Variants in ANKFN1 observed in about 807,000 individuals in gnomAD.
ANKFN1 encodes the protein ankyrin repeat and fibronectin type III domain containing 1, also known as ankyrin repeat and fibronectin type-III domain-containing protein 1.
In ANKFN1, 74 loss-of-function variants were observed where a neutral mutation model predicts 108.7. The ratio of observed to expected loss-of-function variants is 0.68; its 90% CI spans 0.56 to 0.83. The LOEUF is 0.83. ANKFN1 is among the 40% of genes least tolerant of loss of function. The probability of loss-of-function intolerance (pLI) is 0.00; values close to 1 mark genes in which losing one functional copy is unlikely to be tolerated. For missense variants in ANKFN1, 1,505 were observed against 1,382.3 expected, an observed-to-expected ratio of 1.09 and a Z score of -1.41; for synonymous variants, 547 against 516.2, an observed-to-expected ratio of 1.06 and a Z score of -0.81.
chr17:56,516,750 T>G lies in ANKFN1; in HGVS notation c.*5481T>G, dbSNP rs538296364. Among the ~76,000 whole-genome samples, 1 of 152,344 alleles carries G rather than the reference T, an allele frequency of 6.6e-6. No individual in the cohort carries two copies. The highest frequency in any genetic ancestry group is 2.4e-5 in the African/African-American group (1 of 41,594). On this transcript the variant is annotated 3_prime_UTR_variant, in exon 21 of 21. Transcript: ENST00000682825. The stretch of plus-strand genomic sequence containing the variant: ...TAATTTTTCTAATGGCAAGTATTTT[T>G]GGTAATTTCTTACCTGCCTAAGTGT...
At chr17:56,371,579 C>T (rs926721496) in intron 6 of ANKFN1, among the ~76,000 whole-genome samples, 2 of 152,182 alleles carry the variant, frequency 1.3e-5, no homozygotes, top group Non-Finnish European at 2.9e-5. Context: ...GTGTCAAACA[C>T]ATTTCAGCAA....
intron 1 of ANKFN1, among the ~76,000 whole-genome samples, chr17:56,189,179 T>TTGTTTTTTTTTTTTTTTTTG (rs1912604306): frequency 9.0e-6 from 1 of 111,400 alleles, no homozygotes; most frequent in African/African-American, 4.9e-5. Flanking sequence ...ACTTTTTTTT[T>TTGTTTTTTTTTTTTTTTTTG]TTTTTTTTTG....
At position 56,201,229 on chromosome 17, in the gene ANKFN1, C is replaced by T. The variant is rs574638524; in HGVS notation, c.-70-11369C>T. 4.6e-5 allele frequency among the ~76,000 whole-genome samples: 7 copies of T among 152,262 alleles called. No homozygotes were observed. The South Asian group carries it at 1.2e-3, about 27-fold the overall frequency. On this transcript the variant is annotated intron_variant, in intron 1 of 20. Coordinates refer to ENST00000682825, the MANE Select transcript of ANKFN1 (RefSeq NM_001370326.1). ...CTCTCTCTCTAGCCAGGATGCTCCT[C>T]CTCAAACCCACCATAGTTCCTCCCA... is the stretch of plus-strand genomic sequence containing the variant.
intron 4 of ANKFN1, among the ~76,000 whole-genome samples, chr17:56,335,700 C>T (rs914768084): frequency 1.6e-4 from 25 of 152,090 alleles, no homozygotes; most frequent in African/African-American, 5.8e-4. Context: ...AATTGAATAC[C>T]CTTTATTTCT....
At chr17:56,256,589 T>C (rs767599375) in intron 3 of ANKFN1, among the ~76,000 whole-genome samples, 1 of 152,244 alleles carries the variant, frequency 6.6e-6, no homozygotes, top group Non-Finnish European at 1.5e-5. Context: ...ATGATAGCTT[T>C]AGGTCACATG....
chr17:56,170,901 C>T (rs116489913), intron 1 of ANKFN1, among the ~76,000 whole-genome samples: 4,654 of 149,026 alleles, frequency 0.031, 225 homozygotes, highest in African/African-American at 0.11. Context: ...TTACTACCAC[C>T]GCCATACACA....
At chr17:56,173,447 C>T (rs771362651) in intron 1 of ANKFN1, among the ~76,000 whole-genome samples, 3 of 152,180 alleles carry the variant, frequency 2.0e-5, no homozygotes, top group South Asian at 2.1e-4. Flanking sequence ...GTGCTTCCTA[C>T]GCCTTTGTAT....
intron 4 of ANKFN1, among the ~76,000 whole-genome samples, chr17:56,095,233 A>G (rs1214822087): frequency 1.3e-5 from 2 of 150,856 alleles, no homozygotes; most frequent in Non-Finnish European, 3.0e-5. Flanking sequence ...CAGCCCTGTG[A>G]TTGACTAACA....
intron 4 of ANKFN1, among the ~76,000 whole-genome samples, chr17:56,095,818 G>T (rs1396023270): frequency 1.3e-5 from 2 of 152,168 alleles, no homozygotes; most frequent in African/African-American, 4.8e-5. Context: ...CAAAATGCAG[G>T]ATCTGTGCAA....
intron 4 of ANKFN1, among the ~76,000 whole-genome samples, chr17:56,074,377 G>C (rs575577129): frequency 2.5e-4 from 38 of 152,334 alleles, no homozygotes; most frequent in African/African-American, 8.7e-4. Flanking sequence ...GCCACATGGA[G>C]CGAGACCCCT....
chr17:56,258,271 G>T (rs1172951036), intron 3 of ANKFN1: 1 of 152,180 alleles, frequency 6.6e-6, no homozygotes, highest in African/African-American at 2.4e-5. Context: ...GTCTAAACTA[G>T]AAATGTTCGC....
intron 4 of ANKFN1, among the ~76,000 whole-genome samples, chr17:56,086,494 A>C (rs1021657109): frequency 4.0e-5 from 6 of 151,388 alleles, no homozygotes; most frequent in African/African-American, 1.5e-4. Flanking sequence ...CAAAGTTCAC[A>C]TTTCCAATGT....
At chr17:56,281,252 C>G (rs772062770) in intron 3 of ANKFN1, among the ~76,000 whole-genome samples, 1 of 152,122 alleles carries the variant, frequency 6.6e-6, no homozygotes, top group Admixed American at 6.6e-5. Context: ...ACACTTGACC[C>G]TTATTAAACA....
intron 4 of ANKFN1, among the ~76,000 whole-genome samples, chr17:56,052,235 A>T (rs576745453): frequency 2.0e-3 from 304 of 151,976 alleles, no homozygotes; most frequent in African/African-American, 7.1e-3. Flanking sequence ...TAGATAAATG[A>T]TTTTTTTTAG....
intron 4 of ANKFN1, among the ~76,000 whole-genome samples, chr17:56,050,096 A>G (rs984951414): frequency 6.6e-6 from 1 of 151,850 alleles, no homozygotes; most frequent in Non-Finnish European, 1.5e-5. Flanking sequence ...AACTGGTGTG[A>G]GATGGTATCT....
At position 56,167,880 on chromosome 17, in the gene ANKFN1, T is replaced by G. The variant is rs576315820; in HGVS notation, c.-71+14350T>G. On this transcript the variant is annotated intron_variant, in intron 1 of 20. Transcript: ENST00000682825. ...AACACAGAAGTGACCTATGTCACTT[T>G]TAGTCATAGACCCAACCTCAGTGGG... Among the ~76,000 whole-genome samples, 175 of 152,248 alleles carry G rather than the reference T, an allele frequency of 1.1e-3. 5 individuals carry two copies. In the South Asian group the frequency reaches 0.034, roughly 29 times the overall value.
chr17:56,467,818 GA>G (rs1263690172), intron 15 of ANKFN1, among the ~76,000 whole-genome samples: 253 of 44,710 alleles, frequency 5.7e-3, no homozygotes, highest in African/African-American at 0.014. Context: ...AAGAAAGAAA[GA>G]AAGAAAGAAA....
At chr17:56,418,190 C>T (rs185479181) in intron 8 of ANKFN1, among the ~76,000 whole-genome samples, 17 of 152,176 alleles carry the variant, frequency 1.1e-4, no homozygotes, top group Middle Eastern at 3.4e-3. Context: ...TTTAAATAAT[C>T]GAAACTATTT....
chr17:56,457,787 C>T (rs915176295), intron 13 of ANKFN1, 76 bp from the exon 14 acceptor site: 3 of 1,110,722 alleles, frequency 2.7e-6, no homozygotes, highest in Non-Finnish European at 2.7e-6. Flanking sequence ...TTCTTTCTCC[C>T]TGCTTTGCTT....
Sources: gnomAD v4.1 joint callset for allele counts (sites outside exome capture counted in the v4.1 genomes callset) on GRCh38, gnomAD v4.1.1 for gene constraint, MANE v1.5 for transcripts, NCBI Gene and HGNC (gene_info 2026-07-23, HGNC 2026-07-21) for gene names.